ADK: variants seen among roughly 807,000 people sequenced by gnomAD.
The protein encoded by ADK is adenosine kinase, also known as N6,N6-dimethyladenosine kinase.
ADK carries 24 observed loss-of-function variants against 44.7 expected under a neutral mutation model. The ratio of observed to expected loss-of-function variants is 0.54; its 90% CI spans 0.39 to 0.76. The LOEUF is 0.76. Ranked by LOEUF, ADK falls within the 30% of genes least tolerant of loss-of-function variation. The pLI is 0.00. For missense variants in ADK, 321 were observed against 425.1 expected (o/e 0.76, Z 2.15); for synonymous variants, 128 against 142.6 (o/e 0.90, Z 0.73).
chr10:74,505,898 C>CT (rs1848054952), intron 6 of ADK, among the ~76,000 whole-genome samples: 1 of 152,096 alleles, frequency 6.6e-6, no homozygotes, highest in Non-Finnish European at 1.5e-5. Flanking sequence ...GTGTGGGTGA[C>CT]CCGGGGCATT....
intron 8 of ADK, among the ~76,000 whole-genome samples, chr10:74,590,236 A>G (rs1438905617): frequency 6.6e-6 from 1 of 152,166 alleles, no homozygotes; most frequent in African/African-American, 2.4e-5. Context: ...TTAAAAATTT[A>G]ATCTAACCAC....
At chr10:74,198,051 A>G (rs369600736) in intron 1 of ADK, among the ~76,000 whole-genome samples, 1 of 152,250 alleles carries the variant, frequency 6.6e-6, no homozygotes, top group Non-Finnish European at 1.5e-5. Context: ...ACAAACGGTG[A>G]TAAAAAGGGT....
At chr10:74,358,910 TAGC>T (rs1842230444) in intron 4 of ADK, among the ~76,000 whole-genome samples, 1 of 152,294 alleles carries the variant, frequency 6.6e-6, no homozygotes, top group African/African-American at 2.4e-5. Context: ...ACTAGGATAA[TAGC>T]AGAATAAGTT....
At chr10:74,486,239 C>T (rs1024997109) in intron 6 of ADK, among the ~76,000 whole-genome samples, 4 of 152,092 alleles carry the variant, frequency 2.6e-5, no homozygotes, top group Admixed American at 6.5e-5. Context: ...TCTCTCTCGC[C>T]TGCCACCATG....
intron 5 of ADK, 63 bp downstream of exon 5, chr10:74,394,376 A>T (rs1843439375): frequency 6.6e-7 from 1 of 1,508,696 alleles, no homozygotes; most frequent in East Asian, 2.3e-5. Flanking sequence ...TAAAATATGA[A>T]TTCCAATGTG....
chr10:74,597,455 C>G (rs937922854), intron 8 of ADK, among the ~76,000 whole-genome samples: 1 of 152,154 alleles, frequency 6.6e-6, no homozygotes, highest in Non-Finnish European at 1.5e-5. Flanking sequence ...TTTCCTTTTT[C>G]TGTTCCAGAA....
intron 4 of ADK, among the ~76,000 whole-genome samples, chr10:74,375,056 A>G (rs1297104132): frequency 6.6e-6 from 1 of 152,076 alleles, no homozygotes; most frequent in African/African-American, 2.4e-5. Context: ...ATGAGTTCCT[A>G]ATTTTATTGT....
chr10:74,655,083 C>T (rs555929675), intron 9 of ADK: 9 of 239,798 alleles, frequency 3.8e-5, no homozygotes, highest in South Asian at 3.6e-4. Flanking sequence ...TCCCTTCATC[C>T]GCTCTGGGAA....
chr10:74,661,386 C>A, intron 9 of ADK: 1 of 547,868 alleles, frequency 1.8e-6, no homozygotes, highest in Non-Finnish European at 2.3e-6. Flanking sequence ...TGCCATGGGA[C>A]TCTAGGCAGT....
At chr10:74,173,233 G>A (rs1842219534) in intron 1 of ADK, among the ~76,000 whole-genome samples, 1 of 150,934 alleles carries the variant, frequency 6.6e-6, no homozygotes, top group South Asian at 2.1e-4. Flanking sequence ...TGGGACTACA[G>A]GCACCCGCCA....
intron 6 of ADK, among the ~76,000 whole-genome samples, chr10:74,513,720 A>T (rs1049712569): frequency 2.0e-5 from 3 of 151,828 alleles, no homozygotes; most frequent in African/African-American, 7.3e-5. Context: ...AACTTAATCT[A>T]TTTACAATCG....
At chr10:74,172,137 CTTTTTTT>C (rs3998223) in intron 1 of ADK, among the ~76,000 whole-genome samples, 3 of 122,690 alleles carry the variant, frequency 2.4e-5, no homozygotes, top group African/African-American at 6.3e-5. Context: ...CATGGATTTT[CTTTTTTT>C]TTTTTTTTTT....
intron 9 of ADK, among the ~76,000 whole-genome samples, chr10:74,667,071 T>A (rs1329307465): frequency 6.6e-6 from 1 of 152,098 alleles, no homozygotes; most frequent in Non-Finnish European, 1.5e-5. Flanking sequence ...CCTCAAGTGA[T>A]CCACCCGCCT....
chr10:74,163,343 AT>A (rs1295353951), intron 1 of ADK, among the ~76,000 whole-genome samples: 1 of 152,204 alleles, frequency 6.6e-6, no homozygotes, highest in African/African-American at 2.4e-5. Context: ...AGAATTGCGT[AT>A]TTGGGGGAGG....
chr10:74,406,547 G>GT (rs1843940268), intron 6 of ADK, among the ~76,000 whole-genome samples: 1 of 149,426 alleles, frequency 6.7e-6, no homozygotes, highest in African/African-American at 2.4e-5. Context: ...AGAAGAAGAA[G>GT]AAGAAGAAGA....
intron 5 of ADK, among the ~76,000 whole-genome samples, chr10:74,395,966 G>A (rs141902750): frequency 0.057 from 8,639 of 152,254 alleles, 301 homozygotes; most frequent in Non-Finnish European, 0.077. Context: ...AGCCGAGATT[G>A]TGCTATTGCG....
chr10:74,351,674 G>A (rs914940098), intron 4 of ADK, among the ~76,000 whole-genome samples: 3 of 152,050 alleles, frequency 2.0e-5, no homozygotes, highest in Admixed American at 1.3e-4. Flanking sequence ...AAACCCCATC[G>A]TCTCAGCCCA....
intron 3 of ADK, among the ~76,000 whole-genome samples, chr10:74,225,692 T>C (rs1348119318): frequency 1.3e-5 from 2 of 152,236 alleles, no homozygotes; most frequent in Non-Finnish European, 2.9e-5. Context: ...CATTCCACTA[T>C]TATGCTAACC....
At chr10:74,570,241 T>C (rs1171476166) in intron 7 of ADK, among the ~76,000 whole-genome samples, 1 of 152,134 alleles carries the variant, frequency 6.6e-6, no homozygotes, top group African/African-American at 2.4e-5. Context: ...GGCTTAGGAT[T>C]GACTTGGCGA....
Sources: allele counts gnomAD v4.1 joint callset (sites outside exome capture counted in the v4.1 genomes callset), GRCh38; gene constraint gnomAD v4.1.1; transcripts MANE v1.5; gene names NCBI Gene and HGNC (gene_info 2026-07-23, HGNC 2026-07-21).